The following FSIP2 variants were observed in gnomAD, a reference collection of about 807,000 sequenced individuals.
FSIP2 encodes the protein fibrous sheath interacting protein 2.
Under a neutral mutation model 510.5 loss-of-function variants are expected in FSIP2, and 367 were observed. That is an observed-to-expected ratio of 0.72 (90% CI 0.66 to 0.78). FSIP2 has a LOEUF of 0.78. FSIP2 is among the 30% of genes least tolerant of loss of function. The pLI, the probability that FSIP2 is intolerant of heterozygous loss-of-function variation, is 0.00. For synonymous variants in FSIP2, 2,601 were observed against 2,732.2 expected, an observed-to-expected ratio of 0.95 and a Z score of 1.50; for missense variants, 7,594 against 7,901.7, an observed-to-expected ratio of 0.96 and a Z score of 1.48.
Position 185,807,781 on chromosome 2 carries a change from CAAACTACTGATGTGCCCCTACCT to C in FSIP2, c.18480_18502del (p.Thr6161PhefsTer4). On this transcript the variant is annotated frameshift_variant, in exon 17 of 23. Coordinates refer to ENST00000424728, the MANE Select transcript of FSIP2 (RefSeq NM_173651.4). LOFTEE classifies it high-confidence loss of function. The stretch of plus-strand genomic sequence containing the variant: ...TGAAAAGATCCTTAAAGATGTTTTC[CAAACTACTGATGTGCCCCTACCT>C]AAACCTTCACATGCTGATAAGCTGT... The C allele has an allele frequency of 6.2e-7, 1 of 1,612,386 alleles. No individual in the cohort carries two copies. The highest frequency in any genetic ancestry group is 8.5e-7 in the Non-Finnish European group (1 of 1,179,106).
chr2:185,739,408 G>T lies in FSIP2; in HGVS notation c.162G>T (p.Gly54=), dbSNP rs1440555247. The T allele has an allele frequency of 2.3e-5, 35 of 1,535,084 alleles. No individual in the cohort carries two copies. Among genetic ancestry groups the T allele is most frequent in the Non-Finnish European group, 3.0e-5 (34 of 1,146,446 alleles). ...GPAQLLDLPL[G]VKLPVIPGSN... The stretch of plus-strand genomic sequence containing the variant: ...CTCAGCTACTGGACCTACCTCTCGG[G>T]GTCAAGCTGCCTGTGATCCCAGGAA... The change falls in exon 2 of 23, where the codon GGG becomes GGT. Residue 54 remains glycine (G), a synonymous_variant. Transcript: ENST00000424728.
intron 19 of FSIP2, among the ~76,000 whole-genome samples, chr2:185,820,510 T>C (rs1189486432): frequency 6.6e-6 from 1 of 151,356 alleles, no homozygotes; most frequent in East Asian, 2.0e-4. Context: ...TATATACATA[T>C]ATAAAACAAT....
At position 185,796,657 on chromosome 2, in the gene FSIP2, G is replaced by A; in HGVS notation, c.9521G>A (p.Gly3174Asp). Reference sequence around the variant, plus strand: ...ATGTTCACATCAAAGTTAAAGGAAGGTAGTTTGGGGATTAATCCTTCACAA... The same window carrying A: ...ATGTTCACATCAAAGTTAAAGGAAGATAGTTTGGGGATTAATCCTTCACAA... Reference protein sequence around the residue: ...MKMFTSKLKEGSLGINPSQVS... With the variant: ...MKMFTSKLKEDSLGINPSQVS... Residue 3174 changes from glycine to aspartate, a missense_variant, in exon 16 of 23, where the codon GGT becomes GAT. Gly to Asp is a moderately conservative substitution (Grantham distance 94). Transcript: ENST00000424728. 1 of 1,535,092 alleles carries A rather than the reference G, an allele frequency of 6.5e-7. No individual in the cohort carries two copies. Among genetic ancestry groups the A allele is most frequent in the South Asian group, 1.2e-5 (1 of 84,040 alleles).
chr2:185,803,416 A>G lies in FSIP2; in HGVS notation c.14110A>G (p.Lys4704Glu), dbSNP rs919811981. 2 of 1,532,104 alleles carry G rather than the reference A, an allele frequency of 1.3e-6. No individual in the cohort carries two copies. The highest frequency in any genetic ancestry group is 2.5e-5 in the East Asian group (1 of 40,806). 94.9% of individuals were successfully genotyped at this position (1,532,104 alleles called of 1,614,324 possible). A position where few individuals can be genotyped will look rare whatever the true frequency, so the allele number is the denominator to read the frequency against. The change falls in exon 17 of 23, where the codon AAA becomes GAA. Residue 4704 changes from lysine to glutamate, a missense_variant. Coordinates refer to ENST00000424728, the MANE Select transcript of FSIP2 (RefSeq NM_173651.4). ...AACAATTGTTGACATGGTGTACAGC[A>G]AAGTTTTGCAAGAATATGAAATGGA... Reference protein sequence around the residue: ...VKTIVDMVYSKVLQEYEMEVV... With the variant: ...VKTIVDMVYSEVLQEYEMEVV...
At chr2:185,745,609 G>C (rs1293128887) in intron 5 of FSIP2, 41 bp downstream of exon 5, 2 of 1,486,460 alleles carry the variant, frequency 1.3e-6, no homozygotes, top group Non-Finnish European at 1.8e-6. Flanking sequence ...GTATGTTGTG[G>C]ACCCAAATAA....
intron 17 of FSIP2, among the ~76,000 whole-genome samples, 171 bp from the exon 18 acceptor site, chr2:185,813,374 T>G (rs1693773257): frequency 6.6e-6 from 1 of 151,910 alleles, no homozygotes; most frequent in Non-Finnish European, 1.5e-5. Context: ...ATTTTTTTTG[T>G]TATTTGTCTT....
chr2:185,815,215 C>T (rs2287607), intron 18 of FSIP2, among the ~76,000 whole-genome samples, 156 bp from the exon 19 acceptor site: 1 of 151,840 alleles, frequency 6.6e-6, no homozygotes, highest in Non-Finnish European at 1.5e-5. Context: ...TTGGAAGACA[C>T]CTTTTAATTA....
Position 185,801,577 on chromosome 2 carries a change from A to G in FSIP2, c.12271A>G (p.Lys4091Glu). Residue 4091 changes from lysine (K) to glutamate (E), a missense_variant, in exon 17 of 23, where the codon AAA (lysine) becomes GAA (glutamate). Coordinates refer to ENST00000424728, the MANE Select transcript of FSIP2 (RefSeq NM_173651.4). The stretch of plus-strand genomic sequence containing the variant: ...CATATTGTTAGAGATTTTAGACTAC[A>G]AACTGCCATCTTGCTTCAAGGAACA... Reference protein sequence around the residue: ...NGILLEILDYKLPSCFKEHLI... With the variant: ...NGILLEILDYELPSCFKEHLI... The G allele has an allele frequency of 6.5e-7, 1 of 1,534,176 alleles. No individual in the cohort carries two copies. The highest frequency in any genetic ancestry group is 8.7e-7 in the Non-Finnish European group (1 of 1,145,628).
At chr2:185,817,940 A>T (rs1399979135) in intron 19 of FSIP2, among the ~76,000 whole-genome samples, 2 of 152,002 alleles carry the variant, frequency 1.3e-5, no homozygotes, top group Non-Finnish European at 2.9e-5. Context: ...GGGCAACTAG[A>T]GTTAACAATA....
At chr2:185,780,740 CTGTT>C in intron 13 of FSIP2, among the ~76,000 whole-genome samples, 6 of 151,734 alleles carry the variant, frequency 4.0e-5, no homozygotes, top group African/African-American at 1.5e-4. Context: ...GAGGTTGTTA[CTGTT>C]ATATGTGAGC....
intron 3 of FSIP2, among the ~76,000 whole-genome samples, 169 bp downstream of exon 3, chr2:185,743,463 G>A (rs1691965428): frequency 6.6e-6 from 1 of 152,140 alleles, no homozygotes; most frequent in Non-Finnish European, 1.5e-5. Context: ...AGAGAAATCA[G>A]ACAACAGTTG....
At chr2:185,828,703 A>G (rs1469064340) in intron 21 of FSIP2, among the ~76,000 whole-genome samples, 1 of 151,690 alleles carries the variant, frequency 6.6e-6, no homozygotes, top group Non-Finnish European at 1.5e-5. Flanking sequence ...AAGCCCACCT[A>G]CTCCCCAGTG....
At chr2:185,761,842 C>G (rs1415004895) in intron 10 of FSIP2, 130 bp from the exon 11 acceptor site, 1 of 494,028 alleles carries the variant, frequency 2.0e-6, no homozygotes, top group African/African-American at 2.0e-5. Flanking sequence ...TTTACCTAAA[C>G]AGTTTTTATG....
rs1231094829 is a variant in FSIP2 at position 185,788,787 on chromosome 2, C to T, written c.1651C>T (p.Leu551Phe). 1 of 1,534,386 alleles carries T rather than the reference C, an allele frequency of 6.5e-7. No individual in the cohort carries two copies. Residue 551 changes from leucine to phenylalanine, a missense_variant, in exon 16 of 23, where the codon CTC becomes TTC. Leu to Phe is a conservative substitution (Grantham distance 22). Transcript: ENST00000424728. ...ATACCCAGTATCTGATGACTCCATC[C>T]TCTCTTCAGATAGTTCAAGTTTCTG... ...NTYPVSDDSI[L>F]SSDSSSFCST...
intron 16 of FSIP2, among the ~76,000 whole-genome samples, chr2:185,798,983 A>G (rs1443893243): frequency 1.3e-5 from 2 of 151,808 alleles, no homozygotes; most frequent in Non-Finnish European, 1.5e-5. Flanking sequence ...CTGATAACAC[A>G]TGAAGATATA....
intron 19 of FSIP2, among the ~76,000 whole-genome samples, chr2:185,822,144 T>C (rs1693933177): frequency 6.6e-6 from 1 of 151,900 alleles, no homozygotes. Flanking sequence ...AAGTATTTCC[T>C]CTGAGATCAG....
rs1455177221 is a variant in FSIP2, at chr2:185,801,403, C to T, written c.12097C>T (p.Leu4033=). Residue 4033 remains leucine (L), a synonymous_variant, in exon 17 of 23, where the codon CTG becomes TTG. Transcript: ENST00000424728. ...TGTTCTACGGAATGCTGAAGAAAGG[C>T]TGTGTTTTCCACCAGTTCATACAGA... ...VTVLRNAEER[L]CFPPVHTETV... 4.6e-6 allele frequency: 7 copies of T among 1,533,910 alleles called. No homozygotes were observed. In the African/African-American group the frequency reaches 9.6e-5, roughly 21 times the overall value.
At chr2:185,799,178 G>C (rs988686752) in intron 16 of FSIP2, among the ~76,000 whole-genome samples, 1 of 151,814 alleles carries the variant, frequency 6.6e-6, no homozygotes, top group Non-Finnish European at 1.5e-5. Context: ...AGGGACTAAA[G>C]TACTACTGCT....
At position 185,800,626 on chromosome 2, in the gene FSIP2, C is replaced by T; in HGVS notation, c.11320C>T (p.Pro3774Ser). The change falls in exon 17 of 23, where the codon CCT becomes TCT. Residue 3774 changes from proline to serine, a missense_variant. Coordinates refer to ENST00000424728, the MANE Select transcript of FSIP2 (RefSeq NM_173651.4). ...LLEECTSTAF[P>S]DKGSVSEETS... ...GGAAGAATGCACAAGCACTGCTTTT[C>T]CTGATAAAGGGTCTGTTTCAGAGGA... is the stretch of plus-strand genomic sequence containing the variant. 6.5e-7 allele frequency: 1 copy of T among 1,533,696 alleles called. No individual in the cohort carries two copies. The highest frequency in any genetic ancestry group is 8.7e-7 in the Non-Finnish European group (1 of 1,145,594).
Sources: gnomAD v4.1 joint callset for allele counts (sites outside exome capture counted in the v4.1 genomes callset) on GRCh38, gnomAD v4.1.1 for gene constraint, MANE v1.5 for transcripts, NCBI Gene and HGNC (gene_info 2026-07-23, HGNC 2026-07-21) for gene names.